The following GMDS variants were observed in gnomAD, a reference collection of about 807,000 sequenced individuals.
GMDS encodes GDP-mannose 4,6 dehydratase.
In GMDS, 20 loss-of-function variants were observed where a neutral mutation model predicts 49.9. The ratio of observed to expected loss-of-function variants is 0.40; its 90% CI spans 0.28 to 0.58. The LOEUF (loss-of-function observed/expected upper bound fraction) is 0.58. Ranked by LOEUF, GMDS falls within the 20% of genes least tolerant of loss-of-function variation. The pLI is 0.42. For synonymous variants in GMDS, 177 were observed against 178.6 expected, an observed-to-expected ratio of 0.99 and a Z score of 0.07; for missense variants, 362 against 481.4, an observed-to-expected ratio of 0.75 and a Z score of 2.32.
At chr6:2,033,744 G>A (rs907725360) in intron 4 of GMDS, among the ~76,000 whole-genome samples, 1 of 152,108 alleles carries the variant, frequency 6.6e-6, no homozygotes, top group Admixed American at 6.6e-5. Context: ...AAACTAAGTT[G>A]CACAAAGAAT....
chr6:1,645,919 G>T (rs939570483), intron 9 of GMDS, among the ~76,000 whole-genome samples: 2 of 152,094 alleles, frequency 1.3e-5, no homozygotes, highest in South Asian at 4.1e-4. Context: ...CTACCCTGTC[G>T]TCTGCCTCCC....
chr6:2,036,357 C>T (rs777434179), intron 4 of GMDS, among the ~76,000 whole-genome samples: 6 of 152,070 alleles, frequency 3.9e-5, no homozygotes, highest in East Asian at 1.9e-4. Flanking sequence ...CTTTCATAAA[C>T]GCAGATCTCG....
chr6:1,767,624 T>C (rs9391931), intron 7 of GMDS, among the ~76,000 whole-genome samples: 1 of 152,340 alleles, frequency 6.6e-6, no homozygotes, highest in East Asian at 1.9e-4. Context: ...AAAAGGTGAC[T>C]TGAGTCTCTG....
intron 1 of GMDS, among the ~76,000 whole-genome samples, chr6:2,148,398 CT>C: frequency 6.6e-6 from 1 of 152,078 alleles, no homozygotes; most frequent in African/African-American, 2.4e-5. Context: ...GTATTCACAT[CT>C]ATCAAGTTTT....
chr6:1,683,760 A>G (rs1764876172), intron 9 of GMDS, among the ~76,000 whole-genome samples: 1 of 152,234 alleles, frequency 6.6e-6, no homozygotes, highest in Non-Finnish European at 1.5e-5. Context: ...TCAACTTTTC[A>G]TAACTCGTGA....
chr6:2,007,020 T>C (rs557036981), intron 4 of GMDS, among the ~76,000 whole-genome samples: 3 of 152,308 alleles, frequency 2.0e-5, no homozygotes, highest in East Asian at 1.9e-4. Flanking sequence ...TGACAAAAGA[T>C]TAAAGAAAGT....
At position 1,781,188 on chromosome 6, in the gene GMDS, A is replaced by G. The variant is rs114147454; in HGVS notation, c.772-38602T>C. 9.2e-3 allele frequency among the ~76,000 whole-genome samples: 1,397 copies of G among 151,934 alleles called. 11 individuals carry two copies. The highest frequency in any genetic ancestry group is 0.02 in the Middle Eastern group (6 of 294). On this transcript the variant is annotated intron_variant, in intron 7 of 10. Coordinates refer to ENST00000380815, the MANE Select transcript of GMDS (RefSeq NM_001500.4). ...AAATGGCCTTGTGTTTCAGGGAACCAAGGCAGGCCTCACGAAGGGGTCTCC... is the reference window on the plus strand; with the variant it reads ...AAATGGCCTTGTGTTTCAGGGAACCGAGGCAGGCCTCACGAAGGGGTCTCC...
At chr6:1,639,580 G>A (rs1424945248) in intron 9 of GMDS, among the ~76,000 whole-genome samples, 2 of 152,218 alleles carry the variant, frequency 1.3e-5, no homozygotes, top group Non-Finnish European at 2.9e-5. Flanking sequence ...AGCTGAGCAT[G>A]AGCTTTGGAG....
At chr6:2,145,854 A>C (rs1281139463) in intron 1 of GMDS, among the ~76,000 whole-genome samples, 1 of 152,172 alleles carries the variant, frequency 6.6e-6, no homozygotes, top group Non-Finnish European at 1.5e-5. Context: ...AGCGACATCT[A>C]TCTCAAAAAT....
At chr6:2,234,821 G>A (rs1781279432) in intron 1 of GMDS, among the ~76,000 whole-genome samples, 1 of 152,160 alleles carries the variant, frequency 6.6e-6, no homozygotes, top group Non-Finnish European at 1.5e-5. Flanking sequence ...ATTAATGCAA[G>A]AAGTTTACGG....
At chr6:1,705,463 A>T (rs1043089964) in intron 9 of GMDS, among the ~76,000 whole-genome samples, 1 of 152,232 alleles carries the variant, frequency 6.6e-6, no homozygotes, top group Non-Finnish European at 1.5e-5. Context: ...GAGCAGCCCC[A>T]GCACCATCTG....
intron 1 of GMDS, among the ~76,000 whole-genome samples, chr6:2,220,838 T>G (rs1417738173): frequency 6.6e-6 from 1 of 152,106 alleles, no homozygotes; most frequent in African/African-American, 2.4e-5. Flanking sequence ...CCTGTACTTG[T>G]ATGTCCCTGT....
At chr6:2,005,640 A>C (rs906481779) in intron 4 of GMDS, among the ~76,000 whole-genome samples, 1 of 152,118 alleles carries the variant, frequency 6.6e-6, no homozygotes, top group Admixed American at 6.6e-5. Flanking sequence ...AATCCAGTAC[A>C]ACCTACCCAT....
intron 2 of GMDS, among the ~76,000 whole-genome samples, chr6:2,119,980 C>G (rs949686063): frequency 1.4e-4 from 21 of 152,048 alleles, no homozygotes; most frequent in Non-Finnish European, 2.8e-4. Context: ...TAATTATGAT[C>G]AAGAAAATGG....
intron 7 of GMDS, among the ~76,000 whole-genome samples, chr6:1,897,408 G>C (rs1760257503): frequency 6.6e-6 from 1 of 152,102 alleles, no homozygotes; most frequent in East Asian, 1.9e-4. Flanking sequence ...ATTTTGGTTG[G>C]GGTTAGGTGG....
intron 1 of GMDS, among the ~76,000 whole-genome samples, chr6:2,167,006 C>A (rs1048522614): frequency 2.0e-5 from 3 of 152,206 alleles, no homozygotes; most frequent in African/African-American, 7.2e-5. Context: ...ATTGCATAGT[C>A]AGAACTGCCC....
At chr6:2,128,858 C>G (rs955859488) in intron 1 of GMDS, among the ~76,000 whole-genome samples, 1 of 152,142 alleles carries the variant, frequency 6.6e-6, no homozygotes, top group Non-Finnish European at 1.5e-5. Context: ...GATACAGCAC[C>G]TGAGATTTTC....
intron 4 of GMDS, among the ~76,000 whole-genome samples, chr6:1,965,400 T>G (rs1254774112): frequency 6.6e-6 from 1 of 152,250 alleles, no homozygotes; most frequent in Non-Finnish European, 1.5e-5. Flanking sequence ...TTCAACATGC[T>G]ACAGGATAAG....
chr6:1,959,817 T>C (rs1763840030), intron 6 of GMDS, 50 bp downstream of exon 6: 1 of 1,074,092 alleles, frequency 9.3e-7, no homozygotes, highest in Non-Finnish European at 1.4e-6. Flanking sequence ...TGCAACTTGT[T>C]GTTGTTGTTC....
Sources: gnomAD v4.1 joint callset for allele counts (sites outside exome capture counted in the v4.1 genomes callset) on GRCh38, gnomAD v4.1.1 for gene constraint, MANE v1.5 for transcripts, NCBI Gene and HGNC (gene_info 2026-07-23, HGNC 2026-07-21) for gene names.